SSH1: variants seen among roughly 807,000 people sequenced by gnomAD.
SSH1 encodes protein phosphatase Slingshot homolog 1.
In SSH1, 43 loss-of-function variants were observed where a neutral mutation model predicts 79.7. The ratio of observed to expected loss-of-function variants is 0.54; its 90% CI spans 0.42 to 0.70. The LOEUF is 0.70. SSH1 is among the 30% of genes least tolerant of loss of function. The pLI is 0.00. For missense variants in SSH1, 1,206 were observed against 1,358.8 expected (o/e 0.89, Z 1.77); for synonymous variants, 599 against 538.3 (o/e 1.11, Z -1.56).
At chr12:108,846,804 ATT>A (rs2038908206) in intron 2 of SSH1, among the ~76,000 whole-genome samples, 1 of 152,032 alleles carries the variant, frequency 6.6e-6, no homozygotes. Context: ...GGCCCCTTTA[ATT>A]CTCCTCTGCC....
rs928379021 is a variant in SSH1, at chr12:108,789,350, A to G, written c.1894-106T>C. On this transcript the variant is annotated intron_variant, in intron 14 of 14. Coordinates refer to ENST00000326495, the MANE Select transcript of SSH1 (RefSeq NM_018984.4). The stretch of plus-strand genomic sequence containing the variant: ...GGGGTGCGAGGCCGGACTGGGGGCC[A>G]GGCCTGGAGGGGAGGCTCTCATTTC... The G allele has an allele frequency of 5.1e-6, 6 of 1,167,766 alleles. No individual in the cohort carries two copies. In the African/African-American group the frequency reaches 9.2e-5, roughly 18 times the overall value. 72.3% of individuals were successfully genotyped at this position (1,167,766 alleles called of 1,614,324 possible).
chr12:108,796,900 AC>A (rs1392587335), intron 13 of SSH1, among the ~76,000 whole-genome samples: 1 of 151,714 alleles, frequency 6.6e-6, no homozygotes, highest in Non-Finnish European at 1.5e-5. Flanking sequence ...ATGCCACCAC[AC>A]CCAGCTAATT....
intron 4 of SSH1, among the ~76,000 whole-genome samples, chr12:108,817,886 C>A (rs377332022): frequency 1.8e-4 from 28 of 152,200 alleles, no homozygotes; most frequent in South Asian, 4.1e-4. Flanking sequence ...TGGTTCCCCA[C>A]CAGGTTTCAC....
chr12:108,796,457 T>C lies in SSH1; in HGVS notation c.1349+2543A>G, dbSNP rs116214661. 4.5e-3 allele frequency among the ~76,000 whole-genome samples: 687 copies of C among 152,374 alleles called. 9 individuals are homozygous for C. The highest frequency in any genetic ancestry group is 0.016 in the African/African-American group (651 of 41,590). On this transcript the variant is annotated intron_variant, in intron 13 of 14. Transcript: ENST00000326495. ...GCATGGAAACATACAGTAGTTCTTT[T>C]CGTGATTTGCTTATTTCACTTAGCG...
Position 108,857,556 on chromosome 12 carries a change from G to T in SSH1, c.-60C>A. On this transcript the variant is annotated 5_prime_UTR_variant, in exon 1 of 15. Transcript: ENST00000326495. This position sits in a 1 kb window ranked among gnomAD's most constrained non-coding sequence, Gnocchi z 4.7. ...TCGAGCTAGAGCCGCCACCGCCACC[G>T]CCGCCCGGGCCGGGCCCGGGGCCTC... 1.0e-6 allele frequency: 1 copy of T among 980,840 alleles called. No homozygotes were observed. The highest frequency in any genetic ancestry group is 1.2e-6 in the Non-Finnish European group (1 of 819,338). The allele number at this position is 980,840 out of a possible 1,614,324, so 60.8% of individuals were successfully genotyped here.
At chr12:108,828,055 G>C (rs568215974) in intron 2 of SSH1, among the ~76,000 whole-genome samples, 3 of 152,146 alleles carry the variant, frequency 2.0e-5, no homozygotes, top group Non-Finnish European at 4.4e-5. Context: ...TGTTTTTAGC[G>C]TTTCTTTCAG....
At chr12:108,813,930 G>C (rs2137130422) in intron 5 of SSH1, among the ~76,000 whole-genome samples, 1 of 152,052 alleles carries the variant, frequency 6.6e-6, no homozygotes, top group African/African-American at 2.4e-5. Context: ...GCAGATATAA[G>C]ACTCTGAGTG....
In SSH1 at chr12:108,788,146, G is replaced by T; in HGVS notation, c.2992C>A (p.Pro998Thr). The change falls in exon 15 of 15, where the codon CCG (proline) becomes ACG (threonine). Residue 998 changes from proline (P) to threonine (T), a missense_variant. Physicochemically the swap from Pro to Thr is conservative, Grantham distance 38. Around this residue, in one of 5 missense-constraint regions of SSH1, gnomAD observed 709 missense variants for 730.6 expected, o/e 0.97. Coordinates refer to ENST00000326495, the MANE Select transcript of SSH1 (RefSeq NM_018984.4). ...STEDLSSEAD[P>T]STVADSQDTT... is the part of the protein sequence containing the mutation. ...TCCTGGGAGTCAGCGACGGTGGACG[G>T]GTCAGCCTCACTGGACAGGTCTTCC... 1.9e-6 allele frequency: 3 copies of T among 1,614,000 alleles called. No homozygotes were observed. The highest frequency in any genetic ancestry group is 2.5e-6 in the Non-Finnish European group (3 of 1,180,012).
intron 5 of SSH1, among the ~76,000 whole-genome samples, chr12:108,816,535 C>T (rs1167375478): frequency 2.6e-5 from 4 of 152,202 alleles, no homozygotes; most frequent in African/African-American, 9.6e-5. Flanking sequence ...TTACAAGCTA[C>T]ACTTCAAGCC....
chr12:108,818,794 C>T (rs1273697291), intron 3 of SSH1, among the ~76,000 whole-genome samples: 3 of 152,204 alleles, frequency 2.0e-5, no homozygotes, highest in African/African-American at 7.2e-5. Context: ...CGCACTGTCA[C>T]CCAGGCTGGA....
chr12:108,806,038 G>A (rs2037255285), intron 9 of SSH1, among the ~76,000 whole-genome samples: 1 of 152,044 alleles, frequency 6.6e-6, no homozygotes, highest in Non-Finnish European at 1.5e-5. Flanking sequence ...CTCCCCAAAG[G>A]CCATATAGGT....
chr12:108,843,020 C>A (rs2038816270), intron 2 of SSH1, among the ~76,000 whole-genome samples: 1 of 152,182 alleles, frequency 6.6e-6, no homozygotes, highest in South Asian at 2.1e-4. Context: ...CTTACCAACA[C>A]ACGATTATTG....
intron 1 of SSH1, chr12:108,853,193 T>C: frequency 1.0e-6 from 1 of 985,322 alleles, no homozygotes; most frequent in Non-Finnish European, 1.2e-6. Context: ...TTGAAAGCTC[T>C]TGATGGTTCT....
intron 2 of SSH1, among the ~76,000 whole-genome samples, chr12:108,837,773 T>C (rs2038674670): frequency 6.6e-6 from 1 of 152,006 alleles, no homozygotes; most frequent in Non-Finnish European, 1.5e-5. Flanking sequence ...GTTTTCGAGT[T>C]ACCAATTTTT....
rs146644569 is a variant in SSH1 at position 108,788,069 on chromosome 12, C to T, written c.3069G>A (p.Arg1023=). 26 of 1,614,002 alleles carry T rather than the reference C, an allele frequency of 1.6e-5. No homozygotes were observed. The African/African-American group carries it at 3.3e-4, about 21-fold the overall frequency. ...ATGGTTTGGAGGTTGCAGCTGGGTC[C>T]CTCGGGGTTCCCTGGGGCTCATGCA... ...SFLHEPQGTP[R]DPAATSKPSG... Residue 1023 remains arginine (R), a synonymous_variant, in exon 15 of 15, where the codon AGG becomes AGA. Transcript: ENST00000326495.
At chr12:108,844,325 G>C (rs765117256) in intron 2 of SSH1, among the ~76,000 whole-genome samples, 4 of 152,126 alleles carry the variant, frequency 2.6e-5, no homozygotes, top group Non-Finnish European at 2.9e-5. Flanking sequence ...GCATGTTCAA[G>C]GTGGGGGCAA....
intron 11 of SSH1, 74 bp from the exon 12 acceptor site, chr12:108,801,000 G>A (rs532989381): frequency 2.9e-5 from 42 of 1,462,198 alleles, no homozygotes; most frequent in Admixed American, 3.6e-5. Flanking sequence ...ATAAAAACTG[G>A]CAGAGAAAAG....
In SSH1 at chr12:108,792,715, C is replaced by T. The variant is rs765447425; in HGVS notation, c.1464G>A (p.Pro488=). Reference sequence around the variant, plus strand: ...CATCCAAGAAGGGCAGCTGGCTTTCCGGGGTGCCATCTGGGGTCTCTGGCA... The same window carrying T: ...CATCCAAGAAGGGCAGCTGGCTTTCTGGGGTGCCATCTGGGGTCTCTGGCA... ...DFLPETPDGT[P]ESQLPFLDDA... The change falls in exon 14 of 15, where the codon CCG becomes CCA. Residue 488 remains proline, a synonymous_variant. Coordinates refer to ENST00000326495, the MANE Select transcript of SSH1 (RefSeq NM_018984.4). The T allele has an allele frequency of 1.9e-5, 30 of 1,613,470 alleles. No individual in the cohort carries two copies. Among genetic ancestry groups the T allele is most frequent in the Admixed American group, 8.3e-5 (5 of 59,994 alleles).
rs569014062 is a variant in SSH1, at chr12:108,813,800, G to C, written c.402-2472C>G. ...AAGGGAAGGGGAAGGGAAGGTGAAAGGGAAGGGAAGCGAAGGGGAAGGGGA... is the reference window on the plus strand; with the variant it reads ...AAGGGAAGGGGAAGGGAAGGTGAAACGGAAGGGAAGCGAAGGGGAAGGGGA... On this transcript the variant is annotated intron_variant, in intron 5 of 14. Transcript: ENST00000326495. Among the ~76,000 whole-genome samples the C allele has an allele frequency of 6.3e-4, 95 of 150,574 alleles. 2 individuals are homozygous for C. The South Asian group carries it at 0.011, about 17-fold the overall frequency.
Sources: allele counts gnomAD v4.1 joint callset (sites outside exome capture counted in the v4.1 genomes callset), GRCh38; gene constraint gnomAD v4.1.1; regional missense constraint gnomAD v4.1.1; non-coding constraint Gnocchi (gnomAD v3.1); transcripts MANE v1.5; gene names NCBI Gene and HGNC (gene_info 2026-07-23, HGNC 2026-07-21).